DENND1A: variants seen among roughly 807,000 people sequenced by gnomAD.
The protein encoded by DENND1A is DENN domain containing 1A.
In DENND1A, 51 loss-of-function variants were observed where a neutral mutation model predicts 113.7. The ratio of observed to expected loss-of-function variants is 0.45; its 90% CI spans 0.36 to 0.57. DENND1A has a LOEUF of 0.57. Among genes scored for constraint, DENND1A ranks in the 20% least tolerant of loss-of-function variants. DENND1A has a pLI of 0.00. For missense variants in DENND1A, 1,258 were observed against 1,395.9 expected (o/e 0.90, Z 1.57); for synonymous variants, 565 against 570.8 (o/e 0.99, Z 0.14).
chr9:123,655,408 T>C (rs1228925691), intron 8 of DENND1A, among the ~76,000 whole-genome samples: 1 of 152,004 alleles, frequency 6.6e-6, no homozygotes, highest in Non-Finnish European at 1.5e-5. Context: ...AGGTGGGACA[T>C]TAGGAAGAAC....
intron 13 of DENND1A, among the ~76,000 whole-genome samples, chr9:123,459,476 T>C (rs1335715875): frequency 6.6e-6 from 1 of 152,208 alleles, no homozygotes; most frequent in Non-Finnish European, 1.5e-5. Context: ...CTTATGCTGT[T>C]TGATAAGCAA....
At chr9:123,447,504 A>G (rs1221067891) in intron 18 of DENND1A, among the ~76,000 whole-genome samples, 2 of 152,086 alleles carry the variant, frequency 1.3e-5, no homozygotes, top group Admixed American at 1.3e-4. Context: ...CATCATGGTG[A>G]CCTCTCCACA....
chr9:123,518,828 G>T (rs956755876), intron 13 of DENND1A, among the ~76,000 whole-genome samples: 2 of 152,110 alleles, frequency 1.3e-5, no homozygotes, highest in African/African-American at 4.8e-5. Context: ...GCCATCCTCT[G>T]AGCAGCCAGC....
chr9:123,461,038 C>T (rs1279993213), intron 13 of DENND1A, among the ~76,000 whole-genome samples: 1 of 152,224 alleles, frequency 6.6e-6, no homozygotes, highest in Non-Finnish European at 1.5e-5. Flanking sequence ...ACCCTGGCTT[C>T]CTTTCCTAGA....
At chr9:123,807,753 C>T (rs779723705) in intron 2 of DENND1A, among the ~76,000 whole-genome samples, 35 of 152,204 alleles carry the variant, frequency 2.3e-4, no homozygotes, top group Non-Finnish European at 4.6e-4. Context: ...AATGCCTATT[C>T]TGTGTCACAC....
intron 18 of DENND1A, among the ~76,000 whole-genome samples, chr9:123,445,797 G>A (rs574661021): frequency 3.9e-5 from 6 of 152,314 alleles, no homozygotes; most frequent in South Asian, 2.1e-4. Context: ...AACCTGGGAG[G>A]TGGAGTTTGC....
At chr9:123,599,977 T>C (rs2059871606) in intron 11 of DENND1A, among the ~76,000 whole-genome samples, 1 of 152,104 alleles carries the variant, frequency 6.6e-6, no homozygotes, top group African/African-American at 2.4e-5. Context: ...TGCGCCCAGA[T>C]TTCAAGTGGG....
chr9:123,749,012 A>G (rs1180609142), intron 5 of DENND1A, among the ~76,000 whole-genome samples: 1 of 152,204 alleles, frequency 6.6e-6, no homozygotes, highest in African/African-American at 2.4e-5. Flanking sequence ...TGCTAACCAA[A>G]AGGGAATGTG....
intron 13 of DENND1A, among the ~76,000 whole-genome samples, chr9:123,555,359 C>T (rs2057358599): frequency 1.3e-5 from 2 of 152,236 alleles, no homozygotes; most frequent in South Asian, 2.1e-4. Context: ...ACTCTCTTAG[C>T]GTAGCATCCA....
chr9:123,763,641 G>A (rs1474939145), intron 4 of DENND1A, among the ~76,000 whole-genome samples: 1 of 152,044 alleles, frequency 6.6e-6, no homozygotes, highest in Non-Finnish European at 1.5e-5. Flanking sequence ...GGAGTTCAGA[G>A]AAACAAAAGA....
rs202140114 is a variant in DENND1A, at chr9:123,859,512, AAGAATTTGG to A, written c.88+19430_88+19438del. Among the ~76,000 whole-genome samples, 566 of 152,062 alleles carry A rather than the reference AAGAATTTGG, an allele frequency of 3.7e-3. 2 individuals are homozygous for A. Among genetic ancestry groups the A allele is most frequent in the African/African-American group, 0.013 (533 of 41,432 alleles). ...ACCTATTTAAAATTACATGGTTAAT[AAGAATTTGG>A]ACTGTAACTCCAGTTTTCTGACTCC... On this transcript the variant is annotated intron_variant, in intron 2 of 23. Coordinates refer to ENST00000394215, the MANE Select transcript of DENND1A (RefSeq NM_001352964.2).
rs1466868796 is a variant in DENND1A at position 123,711,497 on chromosome 9, A to ATG, written c.303-34709_303-34708insCA. On this transcript the variant is annotated intron_variant, in intron 5 of 23. Transcript: ENST00000394215. ...ATAATAAATTAAAAAATATATATAT[A>ATG]TATATATGTATATATGTATATATAT... Among the ~76,000 whole-genome samples the ATG allele has an allele frequency of 7.1e-3, 648 of 90,768 alleles. 6 individuals are homozygous for ATG. Among genetic ancestry groups the ATG allele is most frequent in the African/African-American group, 0.03 (583 of 19,310 alleles). The allele number at this position is 90,768 out of a possible 152,430, so 59.5% of individuals were successfully genotyped here.
intron 5 of DENND1A, among the ~76,000 whole-genome samples, chr9:123,734,825 G>C (rs1052428024): frequency 5.9e-5 from 9 of 152,142 alleles, no homozygotes; most frequent in African/African-American, 2.2e-4. Flanking sequence ...CCCAAGAGAG[G>C]GCTTGGGAAA....
At chr9:123,896,938 C>T (rs549694219) in intron 1 of DENND1A, among the ~76,000 whole-genome samples, 2 of 152,338 alleles carry the variant, frequency 1.3e-5, no homozygotes, top group South Asian at 4.1e-4. Flanking sequence ...GTTTTTAATA[C>T]TCTAGCTATC....
chr9:123,841,123 T>C (rs78012023), intron 2 of DENND1A, among the ~76,000 whole-genome samples: 4 of 152,210 alleles, frequency 2.6e-5, no homozygotes, highest in Non-Finnish European at 5.9e-5. Flanking sequence ...AATGTGATAA[T>C]TACCAAGGTG....
rs182783263 is a variant in DENND1A at position 123,619,904 on chromosome 9, G to A, written c.720-10423C>T. ...CTTCTTTACCTAATTTTTCCACCTGGAAAACAGTTCACATTGAAATTGTCC... is the reference window on the plus strand; with the variant it reads ...CTTCTTTACCTAATTTTTCCACCTGAAAAACAGTTCACATTGAAATTGTCC... On this transcript the variant is annotated intron_variant, in intron 10 of 23. Transcript: ENST00000394215. Among the ~76,000 whole-genome samples the A allele has an allele frequency of 2.3e-3, 348 of 151,900 alleles. 1 individual carries two copies. The highest frequency in any genetic ancestry group is 8.2e-3 in the African/African-American group (339 of 41,424).
chr9:123,728,052 G>A (rs914011309), intron 5 of DENND1A, among the ~76,000 whole-genome samples: 1 of 151,514 alleles, frequency 6.6e-6, no homozygotes, highest in Non-Finnish European at 1.5e-5. Flanking sequence ...CTTGCAGTGA[G>A]CCAAGATCGC....
intron 5 of DENND1A, among the ~76,000 whole-genome samples, chr9:123,742,319 A>T (rs1458375144): frequency 6.6e-6 from 1 of 152,146 alleles, no homozygotes; most frequent in Non-Finnish European, 1.5e-5. Flanking sequence ...AATGAGTTTA[A>T]CAAAGGAGGT....
At chr9:123,414,523 T>A in intron 19 of DENND1A, 1 of 1,548,420 alleles carries the variant, frequency 6.5e-7, no homozygotes, top group East Asian at 2.4e-5. Flanking sequence ...AAAAAGGAGG[T>A]TCCCCAGCCA....
Sources: allele counts gnomAD v4.1 joint callset (sites outside exome capture counted in the v4.1 genomes callset), GRCh38; gene constraint gnomAD v4.1.1; transcripts MANE v1.5; gene names NCBI Gene and HGNC (gene_info 2026-07-23, HGNC 2026-07-21).